Variants in SNX4 observed in about 807,000 individuals in gnomAD.
SNX4 encodes sorting nexin 4.
In SNX4, 49 loss-of-function variants were observed where a neutral mutation model predicts 70.8. The observed-to-expected ratio is 0.69, with a 90% CI of 0.55 to 0.88. The LOEUF (loss-of-function observed/expected upper bound fraction) is 0.88. Ranked by LOEUF, SNX4 falls within the 40% of genes least tolerant of loss-of-function variation. The pLI is 0.00. For missense variants in SNX4, 528 were observed against 544.8 expected (o/e 0.97, Z 0.31); for synonymous variants, 206 against 183.8 (o/e 1.12, Z -0.98).
At chr3:125,449,988 T>C (rs1034608108) in intron 13 of SNX4, among the ~76,000 whole-genome samples, 5 of 152,190 alleles carry the variant, frequency 3.3e-5, no homozygotes, top group African/African-American at 1.2e-4. Flanking sequence ...CTCATGCCTA[T>C]AATCCCAGCA....
At chr3:125,504,816 T>C in intron 1 of SNX4, 72 bp from the exon 2 acceptor site, 3 of 1,513,338 alleles carry the variant, frequency 2.0e-6, no homozygotes, top group East Asian at 4.6e-5. Flanking sequence ...GCCTCAGCTA[T>C]ATAAATTAAA....
At position 125,497,825 on chromosome 3, in the gene SNX4, G is replaced by T; in HGVS notation, c.549+9C>A. The T allele has an allele frequency of 6.4e-7, 1 of 1,565,878 alleles. No individual in the cohort carries two copies. Among genetic ancestry groups the T allele is most frequent in the African/African-American group, 1.4e-5 (1 of 72,630 alleles). On this transcript the variant is annotated intron_variant, in intron 4 of 13. Transcript: ENST00000251775. ...AATATTTTACTAAGACTAAATAAAA[G>T]AAAAATACCTGTGTTAAAAACAGAT...
chr3:125,466,493 G>C (rs1934023145), intron 9 of SNX4, among the ~76,000 whole-genome samples: 1 of 152,122 alleles, frequency 6.6e-6, no homozygotes, highest in South Asian at 2.1e-4. Flanking sequence ...CACAGCAAAA[G>C]AAACTATAAA....
chr3:125,496,459 T>TA (rs1227949623), intron 5 of SNX4, among the ~76,000 whole-genome samples: 14 of 152,180 alleles, frequency 9.2e-5, no homozygotes, highest in Admixed American at 5.2e-4. Flanking sequence ...TAAATTACTG[T>TA]AAAAAAATTT....
At chr3:125,466,810 C>T (rs1450653358) in intron 9 of SNX4, among the ~76,000 whole-genome samples, 4 of 151,866 alleles carry the variant, frequency 2.6e-5, no homozygotes, top group Admixed American at 6.6e-5. Context: ...AAAAGCCGGA[C>T]GCAGTGGCTC....
intron 6 of SNX4, among the ~76,000 whole-genome samples, chr3:125,486,008 T>C (rs1261877044): frequency 2.0e-5 from 3 of 152,036 alleles, no homozygotes; most frequent in Non-Finnish European, 4.4e-5. Context: ...ACCCAACTGA[T>C]TTTTGTATTT....
At chr3:125,511,663 C>A (rs1342241299) in intron 1 of SNX4, among the ~76,000 whole-genome samples, 2 of 152,188 alleles carry the variant, frequency 1.3e-5, no homozygotes, top group Admixed American at 6.5e-5. Context: ...AGTGAGACCA[C>A]AGGATAACTG....
intron 2 of SNX4, 101 bp downstream of exon 2, chr3:125,504,522 A>G: frequency 8.3e-7 from 1 of 1,209,162 alleles, no homozygotes; most frequent in Non-Finnish European, 1.2e-6. Flanking sequence ...CCGAAAAAAA[A>G]AATAACCTTT....
chr3:125,472,680 G>T (rs906692614), intron 8 of SNX4, among the ~76,000 whole-genome samples: 17 of 152,060 alleles, frequency 1.1e-4, no homozygotes, highest in Admixed American at 6.6e-5. Context: ...TTTGCAGTAG[G>T]ACAAGTTTAA....
rs779628446 is a variant in SNX4, at chr3:125,447,785, C to T, written c.1347G>A (p.Lys449=). The part of the protein sequence containing the change: ...VWTNAKECFS[K]M ...AGAAATTCAATTCACAGGATTACAT[C>T]TTGCTAAAGCATTCCTTAGCATTGG... Residue 449 remains lysine (K), a synonymous_variant, in exon 14 of 14, where the codon AAG becomes AAA. Transcript: ENST00000251775. 1.8e-5 allele frequency: 28 copies of T among 1,591,966 alleles called. No individual in the cohort carries two copies. Among genetic ancestry groups the T allele is most frequent in the Non-Finnish European group, 2.2e-5 (26 of 1,171,024 alleles).
chr3:125,489,351 T>G (rs1934600707), intron 6 of SNX4, 57 bp downstream of exon 6: 7 of 1,276,398 alleles, frequency 5.5e-6, no homozygotes. Flanking sequence ...AAAAATTAAA[T>G]AGATTGATAG....
At chr3:125,465,064 TAG>T (rs1933975736) in intron 9 of SNX4, among the ~76,000 whole-genome samples, 1 of 151,964 alleles carries the variant, frequency 6.6e-6, no homozygotes, top group Non-Finnish European at 1.5e-5. Context: ...TAGTTTTTTG[TAG>T]AGACAGGGTT....
chr3:125,470,433 AAATAGT>A (rs894486024), intron 8 of SNX4, among the ~76,000 whole-genome samples: 10 of 152,002 alleles, frequency 6.6e-5, no homozygotes, highest in African/African-American at 2.4e-4. Context: ...ATAAAAAATA[AAATAGT>A]ATTATACTCT....
At chr3:125,494,619 T>C (rs1410839658) in intron 5 of SNX4, among the ~76,000 whole-genome samples, 3 of 152,224 alleles carry the variant, frequency 2.0e-5, no homozygotes, top group Non-Finnish European at 2.9e-5. Flanking sequence ...AATAGTTTTC[T>C]TTATCGCCTT....
chr3:125,510,313 C>T (rs552003225), intron 1 of SNX4, among the ~76,000 whole-genome samples: 304 of 151,900 alleles, frequency 2.0e-3, no homozygotes, highest in African/African-American at 7.0e-3. Context: ...CTGCAAGCTC[C>T]GCCTTCCGGG....
chr3:125,514,685 C>T (rs1045805396), intron 1 of SNX4, among the ~76,000 whole-genome samples: 17 of 152,026 alleles, frequency 1.1e-4, no homozygotes, highest in Non-Finnish European at 1.5e-5. Context: ...AGCCACTGTA[C>T]CTGGCCTCCA....
chr3:125,449,497 G>C lies in SNX4; in HGVS notation c.1306-1671C>G, dbSNP rs1933521818. ...CCTAGTCTTGAACTCCTGGGATCAA[G>C]TGATCCTCCTGCCTCAACCTCCCAA... On this transcript the variant is annotated intron_variant, in intron 13 of 13. Transcript: ENST00000251775. Among the ~76,000 whole-genome samples the C allele has an allele frequency of 2.6e-5, 4 of 151,706 alleles. No individual in the cohort carries two copies. The South Asian group carries it at 8.3e-4, about 31-fold the overall frequency.
chr3:125,466,425 G>A (rs1473583911), intron 9 of SNX4, among the ~76,000 whole-genome samples: 1 of 150,570 alleles, frequency 6.6e-6, no homozygotes, highest in Non-Finnish European at 1.5e-5. Flanking sequence ...GACTCCAAAA[G>A]CAATTGCAAC....
chr3:125,492,107 C>CAAAAAAAA (rs60558490), intron 5 of SNX4, among the ~76,000 whole-genome samples: 12 of 47,382 alleles, frequency 2.5e-4, no homozygotes, highest in Non-Finnish European at 4.0e-4. Flanking sequence ...GACTCCATCT[C>CAAAAAAAA]AAAAAAAAAA....
Sources: allele counts gnomAD v4.1 joint callset (sites outside exome capture counted in the v4.1 genomes callset), GRCh38; gene constraint gnomAD v4.1.1; transcripts MANE v1.5; gene names NCBI Gene and HGNC (gene_info 2026-07-23, HGNC 2026-07-21).